ANKRD11: variants seen among roughly 807,000 people sequenced by gnomAD.
ANKRD11 encodes ankyrin repeat domain-containing protein 11.
ANKRD11 carries 17 observed loss-of-function variants against 195.7 expected under a neutral mutation model. The ratio of observed to expected loss-of-function variants is 0.09; its 90% CI spans 0.06 to 0.13. ANKRD11 has a LOEUF of 0.13. Among genes scored for constraint, ANKRD11 ranks in the 10% least tolerant of loss-of-function variants. The pLI is 1.00. For missense variants in ANKRD11, 3,735 were observed against 3,566.1 expected (o/e 1.05, Z -1.21); for synonymous variants, 1,953 against 1,528.1 (o/e 1.28, Z -6.49).
rs558370969 is a variant in ANKRD11 at position 89,374,082 on chromosome 16, T to C, written c.-60+44202A>G. Among the ~76,000 whole-genome samples the C allele has an allele frequency of 2.6e-5, 4 of 152,326 alleles. No individual in the cohort carries two copies. The East Asian group carries it at 5.8e-4, about 22-fold the overall frequency. The stretch of plus-strand genomic sequence containing the variant: ...GTGTGAGGCCCGCAGAGAGGGGTGT[T>C]AACCCGAGACAAAAATGATCAATAG... On this transcript the variant is annotated intron_variant, in intron 2 of 12. Coordinates refer to ENST00000301030, the MANE Select transcript of ANKRD11 (RefSeq NM_013275.6).
chr16:89,313,160 T>C (rs1294117999), intron 3 of ANKRD11, among the ~76,000 whole-genome samples: 1 of 152,188 alleles, frequency 6.6e-6, no homozygotes, highest in Non-Finnish European at 1.5e-5. Context: ...AGGACACACT[T>C]TGAGAACCAC....
At chr16:89,461,795 T>C (rs1383629643) in intron 1 of ANKRD11, among the ~76,000 whole-genome samples, 1 of 152,190 alleles carries the variant, frequency 6.6e-6, no homozygotes, top group Admixed American at 6.5e-5. Flanking sequence ...CTATGGTCAT[T>C]CCCATTAAAA....
intron 2 of ANKRD11, among the ~76,000 whole-genome samples, chr16:89,381,704 C>G (rs896260676): frequency 6.6e-6 from 1 of 152,198 alleles, no homozygotes; most frequent in African/African-American, 2.4e-5. Context: ...CAGATGCCCT[C>G]TGCTACTCAC....
intron 2 of ANKRD11, among the ~76,000 whole-genome samples, chr16:89,356,417 T>A (rs1300001708): frequency 1.3e-5 from 2 of 151,870 alleles, no homozygotes; most frequent in Admixed American, 1.3e-4. Context: ...ATGGAGCAGC[T>A]GGACACATTC....
At chr16:89,474,835 T>A (rs8052103) in intron 1 of ANKRD11, among the ~76,000 whole-genome samples, 98,779 of 152,174 alleles carry the variant, frequency 0.65, 32,725 homozygotes, top group Middle Eastern at 0.86. Context: ...CTGCATAACA[T>A]CCCAAAACTT....
At chr16:89,368,006 A>C (rs1405929813) in intron 2 of ANKRD11, among the ~76,000 whole-genome samples, 2 of 152,232 alleles carry the variant, frequency 1.3e-5, no homozygotes, top group Admixed American at 1.3e-4. Context: ...TCACTCTCTC[A>C]AAACAAAAAA....
At chr16:89,329,862 C>T (rs1334929886) in intron 2 of ANKRD11, among the ~76,000 whole-genome samples, 1 of 152,006 alleles carries the variant, frequency 6.6e-6, no homozygotes, top group Admixed American at 6.6e-5. Flanking sequence ...AAAAATTAGC[C>T]GGGCATGGTG....
At chr16:89,412,454 CTCT>C (rs1229376121) in intron 2 of ANKRD11, 1 of 152,584 alleles carries the variant, frequency 6.6e-6, no homozygotes, top group East Asian at 1.9e-4. Flanking sequence ...TCCTACCTTC[CTCT>C]TCTTCTCAAC....
intron 2 of ANKRD11, among the ~76,000 whole-genome samples, chr16:89,400,007 C>A (rs1418919345): frequency 1.3e-5 from 2 of 149,722 alleles, no homozygotes; most frequent in East Asian, 2.0e-4. Flanking sequence ...TCATCTGCTG[C>A]CCCAGGCTTC....
chr16:89,280,770 G>T lies in ANKRD11; in HGVS notation c.5772C>A (p.Ile1924=). 1.2e-6 allele frequency: 2 copies of T among 1,612,376 alleles called. No individual in the cohort carries two copies. The highest frequency in any genetic ancestry group is 1.1e-5 in the South Asian group (1 of 91,030). Residue 1924 remains isoleucine, a synonymous_variant, in exon 9 of 13, where the codon ATC becomes ATA. Coordinates refer to ENST00000301030, the MANE Select transcript of ANKRD11 (RefSeq NM_013275.6). ...SEDQQATAAI[I]PPEPSYLEPL... ...GCTCCAGGTAGCTGGGCTCCGGGGG[G>T]ATGATGGCGGCCGTCGCCTGCTGGT...
At chr16:89,361,944 GC>G (rs2039750577) in intron 2 of ANKRD11, among the ~76,000 whole-genome samples, 2 of 152,238 alleles carry the variant, frequency 1.3e-5, no homozygotes, top group Non-Finnish European at 2.9e-5. Context: ...AGCTGGCACA[GC>G]CTTGCAACAC....
intron 2 of ANKRD11, among the ~76,000 whole-genome samples, chr16:89,359,562 A>C (rs762356908): frequency 1.3e-5 from 2 of 152,190 alleles, no homozygotes; most frequent in Non-Finnish European, 2.9e-5. Flanking sequence ...TCTTCAGGCT[A>C]ATCCCACACT....
At chr16:89,426,821 G>A (rs749308973) in intron 1 of ANKRD11, among the ~76,000 whole-genome samples, 2 of 152,222 alleles carry the variant, frequency 1.3e-5, no homozygotes, top group Non-Finnish European at 2.9e-5. Context: ...GAGAAATCCG[G>A]GAAGCGGCTG....
At chr16:89,463,347 G>A (rs959032629) in intron 1 of ANKRD11, among the ~76,000 whole-genome samples, 1 of 152,206 alleles carries the variant, frequency 6.6e-6, no homozygotes, top group Non-Finnish European at 1.5e-5. Context: ...TCTGCCTTGG[G>A]ATCCTGTTGA....
chr16:89,449,224 G>C (rs2043950968), intron 1 of ANKRD11, among the ~76,000 whole-genome samples: 1 of 151,756 alleles, frequency 6.6e-6, no homozygotes, highest in Admixed American at 6.6e-5. Context: ...GCAGGCATGA[G>C]GAATGTTGGT....
intron 7 of ANKRD11, chr16:89,286,996 A>G: frequency 1.6e-6 from 2 of 1,289,614 alleles, no homozygotes; most frequent in Non-Finnish European, 2.0e-6. Context: ...ATCAGTACAG[A>G]GTTCTTATGT....
rs369272193 is a variant in ANKRD11, at chr16:89,395,218, G to C, written c.-60+23066C>G. Among the ~76,000 whole-genome samples the C allele has an allele frequency of 1.6e-4, 24 of 152,366 alleles. 1 individual carries two copies. The highest frequency in any genetic ancestry group is 5.1e-4 in the African/African-American group (21 of 41,582). ...TCAATTTTAAGGCAGCGTCTTAACA[G>C]AAAGAATTATGCAAGCCAAGTAAAC... On this transcript the variant is annotated intron_variant, in intron 2 of 12. Coordinates refer to ENST00000301030, the MANE Select transcript of ANKRD11 (RefSeq NM_013275.6).
rs572212810 is a variant in ANKRD11 at position 89,320,464 on chromosome 16, A to C, written c.-59-3386T>G. On this transcript the variant is annotated intron_variant, in intron 2 of 12. Transcript: ENST00000301030. ...TGACTCACGCCCTGTGCTGAGCGGC[A>C]AGGCACAGCCGCGGGAAGGTAAACG... The C allele has an allele frequency of 3.3e-5, 5 of 152,344 alleles. No homozygotes were observed. The South Asian group carries it at 1.0e-3, about 32-fold the overall frequency. The allele number at this position is 152,344 out of a possible 1,614,324, so 9.4% of individuals were successfully genotyped here.
chr16:89,453,987 A>G (rs1802934432), intron 1 of ANKRD11, among the ~76,000 whole-genome samples: 1 of 152,188 alleles, frequency 6.6e-6, no homozygotes, highest in African/African-American at 2.4e-5. Flanking sequence ...GGGAGTTCCC[A>G]AGACTGTCTG....
Sources: allele counts gnomAD v4.1 joint callset (sites outside exome capture counted in the v4.1 genomes callset), GRCh38; gene constraint gnomAD v4.1.1; transcripts MANE v1.5; gene names NCBI Gene and HGNC (gene_info 2026-07-23, HGNC 2026-07-21).